The following TALDO1 variants were observed in gnomAD, a reference collection of about 807,000 sequenced individuals.
TALDO1 encodes transaldolase.
Under a neutral mutation model 38.1 loss-of-function variants are expected in TALDO1, and 29 were observed. That is an observed-to-expected ratio of 0.76 (90% CI 0.57 to 1.04). TALDO1 has a LOEUF of 1.04. Ranked by LOEUF, TALDO1 falls within the 50% of genes least tolerant of loss-of-function variation. The pLI is 0.00. For missense variants in TALDO1, 499 were observed against 438.1 expected (o/e 1.14, Z -1.24); for synonymous variants, 207 against 176.8 (o/e 1.17, Z -1.36).
intron 4 of TALDO1, among the ~76,000 whole-genome samples, chr11:762,785 T>C (rs1304613128): frequency 6.6e-6 from 1 of 152,220 alleles, no homozygotes; most frequent in African/African-American, 2.4e-5. Flanking sequence ...GCAAGTGGCC[T>C]AGTGAGGCCA....
chr11:753,615 T>G (rs978844963), intron 1 of TALDO1, among the ~76,000 whole-genome samples: 9 of 151,496 alleles, frequency 5.9e-5, no homozygotes, highest in African/African-American at 1.7e-4. Flanking sequence ...TCCCAGCTAC[T>G]CATGGGGCTG....
intron 4 of TALDO1, among the ~76,000 whole-genome samples, chr11:762,832 C>T (rs895480793): frequency 6.6e-6 from 1 of 152,200 alleles, no homozygotes; most frequent in Non-Finnish European, 1.5e-5. Flanking sequence ...GTGCTACGGG[C>T]CTGCTGCAGG....
intron 1 of TALDO1, among the ~76,000 whole-genome samples, chr11:748,501 CA>C: frequency 6.6e-6 from 1 of 152,320 alleles, no homozygotes; most frequent in Non-Finnish European, 1.5e-5. Flanking sequence ...TTGTTGAGAA[CA>C]AGTAATATTT....
chr11:755,650 T>G, intron 1 of TALDO1: 2 of 579,482 alleles, frequency 3.5e-6, no homozygotes, highest in Non-Finnish European at 3.1e-6. Flanking sequence ...TGCAGGGGCA[T>G]ATTTGATCGC....
chr11:764,146 C>T, intron 6 of TALDO1, 142 bp from the exon 7 acceptor site: 1 of 1,497,820 alleles, frequency 6.7e-7, no homozygotes, highest in Non-Finnish European at 9.2e-7. Flanking sequence ...GGCTGAACCC[C>T]ACTTCCAGCG....
At chr11:759,171 C>A (rs1395325580) in intron 3 of TALDO1, 114 bp downstream of exon 3, 26 of 886,302 alleles carry the variant, frequency 2.9e-5, no homozygotes, top group Non-Finnish European at 9.3e-6. Context: ...TCCCAAGGGC[C>A]CAAGAGGAGG....
At chr11:750,014 G>T (rs1471282066) in intron 1 of TALDO1, among the ~76,000 whole-genome samples, 1 of 152,174 alleles carries the variant, frequency 6.6e-6, no homozygotes, top group Non-Finnish European at 1.5e-5. Context: ...ATCCACACCG[G>T]GAAGTGGGCA....
rs1802264562 is a variant in TALDO1 at position 756,014 on chromosome 11, GACTCGGGAGGGTCCCAGCTAGGC to G, written c.221+13_221+35del. On this transcript the variant is annotated intron_variant, in intron 2 of 7. Coordinates refer to ENST00000319006, the MANE Select transcript of TALDO1 (RefSeq NM_006755.2). ...CGGAAGCTGGGCGGGTGAGTGCCTG[GACTCGGGAGGGTCCCAGCTAGGC>G]CCTCGTGCTAGTCTAGTTGGCCTTG... 6.2e-7 allele frequency: 1 copy of G among 1,611,188 alleles called. No homozygotes were observed. The highest frequency in any genetic ancestry group is 8.5e-7 in the Non-Finnish European group (1 of 1,179,182).
intron 1 of TALDO1, among the ~76,000 whole-genome samples, chr11:750,543 G>A (rs958540149): frequency 2.6e-5 from 4 of 151,814 alleles, no homozygotes; most frequent in Non-Finnish European, 4.4e-5. Context: ...TGTGAACTTC[G>A]GCCGGGTGTG....
At chr11:755,345 C>T (rs1206721497) in intron 1 of TALDO1, among the ~76,000 whole-genome samples, 2 of 152,082 alleles carry the variant, frequency 1.3e-5, no homozygotes, top group African/African-American at 2.4e-5. Context: ...GGGGTTTCAC[C>T]GTGTTAGCCA....
chr11:763,762 C>G lies in TALDO1; in HGVS notation c.653C>G (p.Thr218Ser). 1 of 1,614,056 alleles carries G rather than the reference C, an allele frequency of 6.2e-7. No individual in the cohort carries two copies. Among genetic ancestry groups the G allele is most frequent in the Non-Finnish European group, 8.5e-7 (1 of 1,180,026 alleles). ...CTCTTTCCAGGGGTAAAGAGTGTCA[C>G]TAAAATCTACAACTACTACAAGAAG... ...PLEDPGVKSV[T>S]KIYNYYKKFS... Residue 218 changes from threonine to serine, a missense_variant, in exon 6 of 8, where the codon ACT becomes AGT. Coordinates refer to ENST00000319006, the MANE Select transcript of TALDO1 (RefSeq NM_006755.2).
Position 747,472 on chromosome 11 carries a change from C to A in TALDO1, c.-10C>A. The A allele has an allele frequency of 6.3e-7, 1 of 1,577,544 alleles. No individual in the cohort carries two copies. Among genetic ancestry groups the A allele is most frequent in the Non-Finnish European group, 8.6e-7 (1 of 1,165,116 alleles). On this transcript the variant is annotated 5_prime_UTR_variant, in exon 1 of 8. Coordinates refer to ENST00000319006, the MANE Select transcript of TALDO1 (RefSeq NM_006755.2). ...GCCGCCGCCGCCGCCGCAGACCCCT[C>A]GGTCTTGCTATGTCGAGCTCACCCG...
intron 1 of TALDO1, among the ~76,000 whole-genome samples, chr11:754,413 T>C (rs532626618): frequency 5.9e-4 from 90 of 152,318 alleles, no homozygotes; most frequent in South Asian, 4.1e-4. Context: ...AAAAGGATTC[T>C]TAGGTCAGGT....
At chr11:763,219 G>GGC in intron 4 of TALDO1, 125 bp from the exon 5 acceptor site, 1 of 27,488 alleles carries the variant, frequency 3.6e-5, no homozygotes, top group Non-Finnish European at 7.1e-5. Flanking sequence ...GCCCTCACCT[G>GGC]CCCCCGCCCT....
chr11:764,187 G>A, intron 6 of TALDO1, 101 bp from the exon 7 acceptor site: 1 of 1,597,032 alleles, frequency 6.3e-7, no homozygotes. Context: ...GCCTGGCCCT[G>A]GTGGGAGATG....
intron 4 of TALDO1, among the ~76,000 whole-genome samples, chr11:762,440 T>TCTG (rs1403450196): frequency 1.5e-4 from 23 of 149,620 alleles, no homozygotes; most frequent in Non-Finnish European, 3.0e-4. Context: ...CATCTGCTGC[T>TCTG]ATGAACACAT....
chr11:764,751 T>G (rs1050363403), intron 7 of TALDO1, 62 bp from the exon 8 acceptor site: 20 of 1,611,772 alleles, frequency 1.2e-5, no homozygotes, highest in Middle Eastern at 1.7e-4. Context: ...TGGTGCCTTG[T>G]GAGGCTTCAA....
chr11:754,612 C>G (rs191443986), intron 1 of TALDO1, among the ~76,000 whole-genome samples: 1 of 152,064 alleles, frequency 6.6e-6, no homozygotes, highest in African/African-American at 2.4e-5. Context: ...GCTGGGATTA[C>G]GGGCATGTGT....
At chr11:747,927 C>A (rs1489722265) in intron 1 of TALDO1, among the ~76,000 whole-genome samples, 3 of 152,170 alleles carry the variant, frequency 2.0e-5, no homozygotes, top group Non-Finnish European at 4.4e-5. Context: ...CGGGTCCTTG[C>A]GAGCCGTGGG....
Sources: allele counts gnomAD v4.1 joint callset (sites outside exome capture counted in the v4.1 genomes callset), GRCh38; gene constraint gnomAD v4.1.1; transcripts MANE v1.5; gene names NCBI Gene and HGNC (gene_info 2026-07-23, HGNC 2026-07-21).